The following SYNPO2 variants were observed in gnomAD, a reference collection of about 807,000 sequenced individuals.
The protein encoded by SYNPO2 is synaptopodin 2.
SYNPO2 carries 56 observed loss-of-function variants against 85.0 expected under a neutral mutation model. The observed-to-expected ratio is 0.66, with a 90% CI of 0.53 to 0.82. SYNPO2 has a LOEUF of 0.82. Ranked by LOEUF, SYNPO2 falls within the 40% of genes least tolerant of loss-of-function variation. The pLI is 0.00. For missense variants in SYNPO2, 1,575 were observed against 1,534.2 expected (o/e 1.03, Z -0.44); for synonymous variants, 602 against 591.1 (o/e 1.02, Z -0.27).
At chr4:119,002,501 C>G (rs1385337587) in intron 1 of SYNPO2, among the ~76,000 whole-genome samples, 1 of 152,100 alleles carries the variant, frequency 6.6e-6, no homozygotes, top group Non-Finnish European at 1.5e-5. Flanking sequence ...CCTTGTGATC[C>G]ACCGGCCTCG....
At chr4:118,972,375 TG>T (rs1362871569) in intron 1 of SYNPO2, among the ~76,000 whole-genome samples, 1 of 151,840 alleles carries the variant, frequency 6.6e-6, no homozygotes, top group African/African-American at 2.4e-5. Context: ...GTCCAGGAGG[TG>T]GAAGCTGCAG....
chr4:118,995,862 T>TTATCTGTCTATC (rs1553944820), intron 1 of SYNPO2, among the ~76,000 whole-genome samples: 1 of 148,302 alleles, frequency 6.7e-6, no homozygotes, highest in Non-Finnish European at 1.5e-5. Flanking sequence ...TCTATTTATC[T>TTATCTGTCTATC]TATCTATCTA....
chr4:118,910,757 T>C (rs1381612691), intron 1 of SYNPO2, among the ~76,000 whole-genome samples: 1 of 152,214 alleles, frequency 6.6e-6, no homozygotes, highest in Non-Finnish European at 1.5e-5. Flanking sequence ...TAGTTCATTC[T>C]GAGCTAGGTT....
intron 2 of SYNPO2, among the ~76,000 whole-genome samples, chr4:119,025,091 A>G (rs931951212): frequency 3.9e-5 from 6 of 152,210 alleles, no homozygotes; most frequent in Non-Finnish European, 7.4e-5. Context: ...TGCTTTTATG[A>G]TATTTACTCA....
intron 1 of SYNPO2, among the ~76,000 whole-genome samples, chr4:118,995,936 G>T (rs1266009063): frequency 6.7e-6 from 1 of 149,914 alleles, no homozygotes; most frequent in Non-Finnish European, 1.5e-5. Flanking sequence ...TTTCTGTCTT[G>T]CCTCTTTTTA....
chr4:118,959,886 A>G (rs1210330128), intron 1 of SYNPO2, among the ~76,000 whole-genome samples: 4 of 152,128 alleles, frequency 2.6e-5, no homozygotes, highest in African/African-American at 9.7e-5. Context: ...AATTCCTGGA[A>G]CCTGTGAGTG....
chr4:118,867,158 C>T (rs1194122035), intron 1 of SYNPO2, among the ~76,000 whole-genome samples: 1 of 152,138 alleles, frequency 6.6e-6, no homozygotes, highest in East Asian at 1.9e-4. Context: ...TCCACAGAGA[C>T]CATATGACCC....
In SYNPO2 at chr4:119,031,309, C is replaced by A. The variant is rs988764824; in HGVS notation, c.2534C>A (p.Thr845Lys). ...AGTCAGAATTACACACCCAAACCAA[C>A]AGTTTCCACACCAACAGTCAATGCT... is the stretch of plus-strand genomic sequence containing the variant. ...VASQNYTPKP[T>K]VSTPTVNAVQ... The change falls in exon 4 of 5, where the codon ACA becomes AAA. Residue 845 changes from threonine (T) to lysine (K), a missense_variant. Physicochemically the swap from Thr to Lys is moderately conservative, Grantham distance 78. Transcript: ENST00000307142. The A allele has an allele frequency of 5.0e-6, 8 of 1,614,240 alleles. No individual in the cohort carries two copies. The highest frequency in any genetic ancestry group is 6.8e-6 in the Non-Finnish European group (8 of 1,180,042).
chr4:118,935,323 G>A (rs1321237187), intron 1 of SYNPO2, among the ~76,000 whole-genome samples: 1 of 152,190 alleles, frequency 6.6e-6, no homozygotes, highest in Non-Finnish European at 1.5e-5. Flanking sequence ...TACACAGCCA[G>A]AATGAGTGCC....
At chr4:118,859,878 T>C (rs1352527896) in intron 1 of SYNPO2, among the ~76,000 whole-genome samples, 3 of 152,236 alleles carry the variant, frequency 2.0e-5, no homozygotes, top group Non-Finnish European at 2.9e-5. Flanking sequence ...GCAATAAACA[T>C]GAGAGTGCAG....
At chr4:118,938,688 C>G (rs1018936916) in intron 1 of SYNPO2, among the ~76,000 whole-genome samples, 10 of 152,306 alleles carry the variant, frequency 6.6e-5, no homozygotes, top group Non-Finnish European at 1.3e-4. Flanking sequence ...TAATACATAA[C>G]TTAGTCTCCA....
intron 4 of SYNPO2, 25 bp downstream of exon 4, chr4:119,032,052 G>A: frequency 6.2e-7 from 1 of 1,611,486 alleles, no homozygotes; most frequent in Non-Finnish European, 8.5e-7. Context: ...TGTTGTGGAA[G>A]AGTAATCTTG....
In SYNPO2 at chr4:119,031,545, GCCTATAAT is replaced by G; in HGVS notation, c.2776_2783del (p.Asn926ProfsTer185). On this transcript the variant is annotated frameshift_variant, in exon 4 of 5. Transcript: ENST00000307142. LOFTEE classifies it high-confidence loss of function. ...CAATGTCCGAGCACCTCCTCCTGTG[GCCTATAAT>G]CCTATCCACTCGCCGTCTTACCCAC... is the stretch of plus-strand genomic sequence containing the variant. 6.2e-7 allele frequency: 1 copy of G among 1,614,118 alleles called. No homozygotes were observed. The highest frequency in any genetic ancestry group is 8.5e-7 in the Non-Finnish European group (1 of 1,180,026).
chr4:118,981,508 TGA>T (rs2149162988), intron 1 of SYNPO2, among the ~76,000 whole-genome samples: 1 of 152,340 alleles, frequency 6.6e-6, no homozygotes, highest in African/African-American at 2.4e-5. Context: ...ACCTCTCTTC[TGA>T]GAGTCTTGGC....
chr4:119,023,322 A>T, intron 1 of SYNPO2, 108 bp from the exon 2 acceptor site: 1 of 1,209,896 alleles, frequency 8.3e-7, no homozygotes, highest in East Asian at 2.6e-5. Flanking sequence ...CAGGTGAATT[A>T]AAATTCAGGG....
At chr4:118,985,684 A>T (rs890757384) in intron 1 of SYNPO2, among the ~76,000 whole-genome samples, 1 of 152,248 alleles carries the variant, frequency 6.6e-6, no homozygotes, top group African/African-American at 2.4e-5. Context: ...AATCAATGCC[A>T]ATTAGGCATC....
At position 119,059,380 on chromosome 4, in the gene SYNPO2, A is replaced by T. The variant is rs538058903; in HGVS notation, c.*1446A>T. The T allele has an allele frequency of 6.6e-6, 1 of 152,188 alleles. No individual in the cohort carries two copies. The highest frequency in any genetic ancestry group is 1.9e-4 in the East Asian group (1 of 5,196). The allele number at this position is 152,188 out of a possible 1,614,324, so 9.4% of individuals were successfully genotyped here. Reference sequence around the variant, plus strand: ...AGTGGTGCTTCTTTAGAAAGTTGTCATTAGAATGTTCTGAGGAAGTTAAGC... The same window carrying T: ...AGTGGTGCTTCTTTAGAAAGTTGTCTTTAGAATGTTCTGAGGAAGTTAAGC... On this transcript the variant is annotated 3_prime_UTR_variant, in exon 5 of 5. Transcript: ENST00000307142.
chr4:119,054,899 C>A (rs954775963), intron 4 of SYNPO2, among the ~76,000 whole-genome samples: 3 of 152,100 alleles, frequency 2.0e-5, no homozygotes, highest in African/African-American at 7.2e-5. Flanking sequence ...AATCAAAGAC[C>A]ACACAAAGCA....
intron 4 of SYNPO2, among the ~76,000 whole-genome samples, chr4:119,053,024 C>A (rs1343662177): frequency 6.6e-6 from 1 of 152,110 alleles, no homozygotes; most frequent in Non-Finnish European, 1.5e-5. Flanking sequence ...AGTGACAACC[C>A]AGGACCTAAT....
Sources: gnomAD v4.1 joint callset for allele counts (sites outside exome capture counted in the v4.1 genomes callset) on GRCh38, gnomAD v4.1.1 for gene constraint, MANE v1.5 for transcripts, NCBI Gene and HGNC (gene_info 2026-07-23, HGNC 2026-07-21) for gene names.